The following PTPN4 variants were observed in gnomAD, a reference collection of about 807,000 sequenced individuals.
The protein encoded by PTPN4 is protein tyrosine phosphatase non-receptor type 4.
In PTPN4, 49 loss-of-function variants were observed where a neutral mutation model predicts 135.5. The observed-to-expected ratio is 0.36, with a 90% confidence interval of 0.29 to 0.46. The LOEUF (loss-of-function observed/expected upper bound fraction) is 0.46. PTPN4 is among the 20% of genes least tolerant of loss of function. PTPN4 has a pLI of 1.00. For missense variants in PTPN4, 860 were observed against 1,101.0 expected, an observed-to-expected ratio of 0.78 and a Z score of 3.10; for synonymous variants, 333 against 369.9, an observed-to-expected ratio of 0.90 and a Z score of 1.14.
chr2:119,838,028 T>A (rs1347082486), intron 2 of PTPN4, among the ~76,000 whole-genome samples: 1 of 152,262 alleles, frequency 6.6e-6, no homozygotes, highest in Non-Finnish European at 1.5e-5. Flanking sequence ...CAAGCTTCCT[T>A]CCAGTAGGAA....
intron 9 of PTPN4, among the ~76,000 whole-genome samples, chr2:119,894,964 T>C (rs1678297632): frequency 6.6e-6 from 1 of 151,856 alleles, no homozygotes; most frequent in Non-Finnish European, 1.5e-5. Context: ...TAGAAATCTT[T>C]TGGGGGGCAA....
At chr2:119,954,776 G>A (rs1225768592) in intron 19 of PTPN4, among the ~76,000 whole-genome samples, 2 of 152,154 alleles carry the variant, frequency 1.3e-5, no homozygotes, top group Admixed American at 6.5e-5. Flanking sequence ...CTGTGTTCAA[G>A]TTTTTTGTAA....
intron 14 of PTPN4, 71 bp downstream of exon 14, chr2:119,932,620 T>C: frequency 1.4e-6 from 2 of 1,458,910 alleles, no homozygotes; most frequent in Non-Finnish European, 9.3e-7. Context: ...TGTATATTTT[T>C]ATGCCTGAAG....
intron 2 of PTPN4, among the ~76,000 whole-genome samples, chr2:119,852,244 A>G (rs1321523491): frequency 1.3e-5 from 2 of 152,016 alleles, no homozygotes; most frequent in African/African-American, 2.4e-5. Context: ...CGTTTACCCT[A>G]TTTGGGAAAA....
chr2:119,888,711 G>T (rs949297096), intron 9 of PTPN4, among the ~76,000 whole-genome samples: 3 of 152,086 alleles, frequency 2.0e-5, no homozygotes, highest in Non-Finnish European at 2.9e-5. Context: ...TTTCTAACAT[G>T]CTGTTGGATT....
chr2:119,899,648 A>G (rs977473898), intron 9 of PTPN4, among the ~76,000 whole-genome samples: 6 of 152,166 alleles, frequency 3.9e-5, no homozygotes, highest in Admixed American at 6.5e-5. Context: ...ATAGGAGTAT[A>G]TATTTACCCT....
At chr2:119,834,270 C>T (rs1206478900) in intron 2 of PTPN4, among the ~76,000 whole-genome samples, 1 of 151,998 alleles carries the variant, frequency 6.6e-6, no homozygotes, top group Non-Finnish European at 1.5e-5. Context: ...GTATTTCTTC[C>T]ATCAGACAAC....
intron 1 of PTPN4, among the ~76,000 whole-genome samples, chr2:119,776,283 C>A (rs1298662159): frequency 6.6e-6 from 1 of 152,154 alleles, no homozygotes; most frequent in East Asian, 1.9e-4. Flanking sequence ...TCACGCCATT[C>A]TCCTGCCTCA....
At chr2:119,845,035 G>A (rs1000426037) in intron 2 of PTPN4, among the ~76,000 whole-genome samples, 1 of 149,492 alleles carries the variant, frequency 6.7e-6, no homozygotes, top group South Asian at 2.1e-4. Context: ...CGGATCACTC[G>A]CGGTTAGGGG....
chr2:119,893,416 T>C (rs984189053), intron 9 of PTPN4, among the ~76,000 whole-genome samples: 1 of 152,196 alleles, frequency 6.6e-6, no homozygotes, highest in African/African-American at 2.4e-5. Context: ...AGAATTTATC[T>C]TGGGACATGT....
chr2:119,851,631 T>C (rs1677592832), intron 2 of PTPN4, among the ~76,000 whole-genome samples: 1 of 152,204 alleles, frequency 6.6e-6, no homozygotes, highest in Non-Finnish European at 1.5e-5. Context: ...TGGTGTGCCC[T>C]CGGAAAGCCA....
intron 26 of PTPN4, among the ~76,000 whole-genome samples, chr2:119,969,089 T>C (rs1679488911): frequency 6.6e-6 from 1 of 152,150 alleles, no homozygotes. Flanking sequence ...AATGGTGTGA[T>C]CATAACTCAC....
chr2:119,772,105 A>G (rs1241954336), intron 1 of PTPN4, among the ~76,000 whole-genome samples: 5 of 152,234 alleles, frequency 3.3e-5, no homozygotes, highest in Non-Finnish European at 2.9e-5. Flanking sequence ...TACAAATGCC[A>G]AGGACTTCCA....
Position 119,978,288 on chromosome 2 carries a change from A to T in PTPN4, c.*1218A>T, listed in dbSNP as rs1362938578. On this transcript the variant is annotated 3_prime_UTR_variant, in exon 27 of 27. Coordinates refer to ENST00000263708, the MANE Select transcript of PTPN4 (RefSeq NM_002830.4). ...TGATTTATTCATGTCCATAACTAAA[A>T]TATTATTCTTTAGCACTCATTTCAG... The T allele has an allele frequency of 1.3e-5, 2 of 152,178 alleles. No individual in the cohort carries two copies. The highest frequency in any genetic ancestry group is 2.9e-5 in the Non-Finnish European group (2 of 68,028). The allele number at this position is 152,178 out of a possible 1,614,324, so 9.4% of individuals were successfully genotyped here. A position where few individuals can be genotyped will look rare whatever the true frequency, so the allele number is the denominator to read the frequency against.
intron 26 of PTPN4, among the ~76,000 whole-genome samples, chr2:119,974,543 C>T (rs1194361219): frequency 1.3e-5 from 2 of 152,068 alleles, no homozygotes; most frequent in Non-Finnish European, 2.9e-5. Flanking sequence ...CCAGATTGTC[C>T]TATTTTTGGC....
intron 2 of PTPN4, among the ~76,000 whole-genome samples, chr2:119,838,039 AT>A (rs1348152043): frequency 6.6e-6 from 1 of 152,282 alleles, no homozygotes; most frequent in Non-Finnish European, 1.5e-5. Flanking sequence ...CCAGTAGGAA[AT>A]ATGATGGGAA....
At chr2:119,954,933 A>G (rs1679259257) in intron 19 of PTPN4, among the ~76,000 whole-genome samples, 1 of 152,114 alleles carries the variant, frequency 6.6e-6, no homozygotes, top group Non-Finnish European at 1.5e-5. Flanking sequence ...ATTTTCAGCA[A>G]TGTAGCCAAG....
chr2:119,773,487 C>T (rs374637950), intron 1 of PTPN4, among the ~76,000 whole-genome samples: 1 of 151,878 alleles, frequency 6.6e-6, no homozygotes, highest in African/African-American at 2.4e-5. Flanking sequence ...CCTGTAATCC[C>T]AGCTCTTTGG....
intron 1 of PTPN4, among the ~76,000 whole-genome samples, chr2:119,770,889 T>C (rs1192234861): frequency 6.6e-6 from 1 of 151,416 alleles, no homozygotes; most frequent in Non-Finnish European, 1.5e-5. Flanking sequence ...TTTTTTTTTT[T>C]TTTTTTTTGA....
Sources: gnomAD v4.1 joint callset for allele counts (sites outside exome capture counted in the v4.1 genomes callset) on GRCh38, gnomAD v4.1.1 for gene constraint, MANE v1.5 for transcripts, NCBI Gene and HGNC (gene_info 2026-07-23, HGNC 2026-07-21) for gene names.